Variants in PKNOX2 observed in about 807,000 individuals in gnomAD.
PKNOX2 encodes the protein PBX/knotted 1 homeobox 2.
A neutral mutation model predicts 53.1 loss-of-function variants in PKNOX2; 14 were observed. The ratio of observed to expected loss-of-function variants is 0.26; its 90% CI spans 0.17 to 0.41. The LOEUF is 0.41. Ranked by LOEUF, PKNOX2 falls within the 10% of genes least tolerant of loss-of-function variation. PKNOX2 has a pLI of 1.00. For synonymous variants in PKNOX2, 257 were observed against 242.8 expected, an observed-to-expected ratio of 1.06 and a Z score of -0.54; for missense variants, 496 against 602.8, an observed-to-expected ratio of 0.82 and a Z score of 1.85.
chr11:125,250,080 A>C (rs997500315), intron 2 of PKNOX2, among the ~76,000 whole-genome samples: 4 of 150,982 alleles, frequency 2.6e-5, no homozygotes, highest in Non-Finnish European at 5.9e-5. Flanking sequence ...AAAAAAAAAA[A>C]AAAAAAAAAA....
rs370503272 is a variant in PKNOX2 at position 125,401,766 on chromosome 11, AGTGT to A, written c.588+3725_588+3728del. On this transcript the variant is annotated intron_variant, in intron 7 of 12. Transcript: ENST00000298282. ...ATGAGAGAGAGAAAAGGAGCTTGTG[AGTGT>A]GTGTGTGTGTGTGTGTGTGTATGTG... Among the ~76,000 whole-genome samples, 281 of 149,294 alleles carry A rather than the reference AGTGT, an allele frequency of 1.9e-3. 1 individual carries two copies. Among genetic ancestry groups the A allele is most frequent in the Middle Eastern group, 0.011 (3 of 284 alleles).
chr11:125,304,898 C>A (rs1174860398), intron 2 of PKNOX2, among the ~76,000 whole-genome samples: 1 of 152,176 alleles, frequency 6.6e-6, no homozygotes, highest in Non-Finnish European at 1.5e-5. Context: ...AAATGTAATA[C>A]ATAAGTAAAC....
At chr11:125,234,921 T>C (rs1309451828) in intron 1 of PKNOX2, 124 bp from the exon 2 acceptor site, 2 of 152,700 alleles carry the variant, frequency 1.3e-5, no homozygotes, top group African/African-American at 2.4e-5. Flanking sequence ...TGCGGGCACA[T>C]GGCTGCCAGC....
chr11:125,285,419 G>T (rs1215449275), intron 2 of PKNOX2, among the ~76,000 whole-genome samples: 1 of 152,196 alleles, frequency 6.6e-6, no homozygotes, highest in Non-Finnish European at 1.5e-5. Flanking sequence ...TGACAGTTAG[G>T]TTAAAGAGTT....
chr11:125,258,095 C>A (rs1293678188), intron 2 of PKNOX2, among the ~76,000 whole-genome samples: 1 of 152,142 alleles, frequency 6.6e-6, no homozygotes, highest in Non-Finnish European at 1.5e-5. Flanking sequence ...CAGGTCCCAA[C>A]CCTGGCAGAA....
At chr11:125,416,882 A>T (rs1451969111) in intron 10 of PKNOX2, among the ~76,000 whole-genome samples, 2 of 151,978 alleles carry the variant, frequency 1.3e-5, no homozygotes, top group Non-Finnish European at 2.9e-5. Context: ...GCTTCTTGTC[A>T]TTTCTACTGT....
intron 1 of PKNOX2, among the ~76,000 whole-genome samples, chr11:125,168,362 T>C (rs951564762): frequency 6.6e-6 from 1 of 152,252 alleles, no homozygotes; most frequent in African/African-American, 2.4e-5. Context: ...GGTTAGTTGT[T>C]CAAAGCTCAA....
At chr11:125,310,147 G>A (rs1439469154) in intron 2 of PKNOX2, among the ~76,000 whole-genome samples, 1 of 152,142 alleles carries the variant, frequency 6.6e-6, no homozygotes, top group East Asian at 1.9e-4. Context: ...AGTTTGACAT[G>A]ACTGTTTTTC....
At chr11:125,276,184 TC>T (rs1946142656) in intron 2 of PKNOX2, among the ~76,000 whole-genome samples, 1 of 152,132 alleles carries the variant, frequency 6.6e-6, no homozygotes, top group African/African-American at 2.4e-5. Context: ...TCCTTAGTAA[TC>T]TTGGTAATTA....
chr11:125,222,963 C>A (rs1941364165), intron 1 of PKNOX2, among the ~76,000 whole-genome samples: 2 of 152,282 alleles, frequency 1.3e-5, no homozygotes, highest in South Asian at 4.1e-4. Context: ...ACACACCAGA[C>A]AACCTACAGG....
chr11:125,189,403 G>A (rs11219964), intron 1 of PKNOX2, among the ~76,000 whole-genome samples: 7 of 84,968 alleles, frequency 8.2e-5, no homozygotes, highest in South Asian at 4.7e-4. Context: ...ATATATGTGT[G>A]TATATATATA....
At chr11:125,380,265 C>A (rs1235728768) in intron 5 of PKNOX2, among the ~76,000 whole-genome samples, 1 of 152,212 alleles carries the variant, frequency 6.6e-6, no homozygotes, top group East Asian at 1.9e-4. Context: ...GAAACGACCT[C>A]TCTTCTGCAG....
intron 4 of PKNOX2, among the ~76,000 whole-genome samples, chr11:125,358,791 C>T (rs1159825631): frequency 6.6e-6 from 1 of 152,226 alleles, no homozygotes; most frequent in Non-Finnish European, 1.5e-5. Flanking sequence ...AGGCCTTTAA[C>T]ACATCACTCA....
intron 3 of PKNOX2, among the ~76,000 whole-genome samples, chr11:125,350,235 C>T (rs1446654856): frequency 2.8e-4 from 42 of 152,202 alleles, no homozygotes; most frequent in Admixed American, 2.7e-3. Context: ...ATTCTGTTTC[C>T]TTGGGTGGCA....
chr11:125,365,921 G>A (rs917214741), intron 4 of PKNOX2, among the ~76,000 whole-genome samples: 12 of 152,174 alleles, frequency 7.9e-5, no homozygotes, highest in African/African-American at 2.2e-4. Context: ...TGCCCAGCAC[G>A]GTGCCTGGTA....
chr11:125,245,148 C>G (rs75097646), intron 2 of PKNOX2, among the ~76,000 whole-genome samples: 4,328 of 152,258 alleles, frequency 0.028, 236 homozygotes, highest in African/African-American at 0.098. Flanking sequence ...CCTGAAACTA[C>G]TCAGCCTTGG....
At chr11:125,402,084 G>A (rs1213402891) in intron 7 of PKNOX2, among the ~76,000 whole-genome samples, 1 of 152,200 alleles carries the variant, frequency 6.6e-6, no homozygotes, top group Non-Finnish European at 1.5e-5. Context: ...TCGATGGGTT[G>A]AGCGTTTTCC....
chr11:125,211,312 T>G (rs990862867), intron 1 of PKNOX2, among the ~76,000 whole-genome samples: 8 of 152,106 alleles, frequency 5.3e-5, no homozygotes, highest in African/African-American at 1.7e-4. Context: ...GGATGTATTT[T>G]TATGTATTCC....
intron 2 of PKNOX2, chr11:125,266,713 C>T (rs1263558154): frequency 6.6e-6 from 1 of 152,254 alleles, no homozygotes. Flanking sequence ...TGTGCAGCCA[C>T]AGGATGCTGA....
Sources: gnomAD v4.1 joint callset for allele counts (sites outside exome capture counted in the v4.1 genomes callset) on GRCh38, gnomAD v4.1.1 for gene constraint, MANE v1.5 for transcripts, NCBI Gene and HGNC (gene_info 2026-07-23, HGNC 2026-07-21) for gene names.